MEGF10: variants seen among roughly 807,000 people sequenced by gnomAD.
MEGF10 encodes multiple EGF like domains 10, also known as multiple epidermal growth factor-like domains protein 10.
In MEGF10, 86 loss-of-function variants were observed where a neutral mutation model predicts 147.5. That is an observed-to-expected ratio of 0.58 (90% CI 0.49 to 0.70). The LOEUF is 0.70. Among genes scored for constraint, MEGF10 ranks in the 30% least tolerant of loss-of-function variants. The pLI is 0.00. For missense variants in MEGF10, 1,329 were observed against 1,487.3 expected (o/e 0.89, Z 1.75); for synonymous variants, 478 against 525.5 (o/e 0.91, Z 1.24).
intron 24 of MEGF10, among the ~76,000 whole-genome samples, chr5:127,456,469 A>G (rs910485066): frequency 6.6e-6 from 1 of 152,072 alleles, no homozygotes; most frequent in African/African-American, 2.4e-5. Context: ...CTGAGTATTT[A>G]TGATTTTAAC....
Position 127,352,379 on chromosome 5 carries a change from T to C in MEGF10, c.319+11749T>C, listed in dbSNP as rs555652637. Among the ~76,000 whole-genome samples, 3 of 152,324 alleles carry C rather than the reference T, an allele frequency of 2.0e-5. No homozygotes were observed. In the East Asian group the frequency reaches 5.8e-4, roughly 29 times the overall value. ...TGTTCACTTTAAAAACTTATGTTTA[T>C]TGCTGGGCATGGTGGCTCACTCCTG... On this transcript the variant is annotated intron_variant, in intron 4 of 24. Transcript: ENST00000503335.
At chr5:127,406,803 G>A (rs573603033) in intron 8 of MEGF10, among the ~76,000 whole-genome samples, 1 of 152,320 alleles carries the variant, frequency 6.6e-6, no homozygotes, top group East Asian at 1.9e-4. Flanking sequence ...AAGTAAGAGT[G>A]AAGAGACAAT....
chr5:127,325,937 C>T (rs1425673594), intron 1 of MEGF10, among the ~76,000 whole-genome samples: 6 of 136,146 alleles, frequency 4.4e-5, no homozygotes, highest in Admixed American at 8.1e-5. Flanking sequence ...CAGGGACTTG[C>T]TCTGCCACCC....
the MEGF10 span, among the ~76,000 whole-genome samples, chr5:127,259,176 A>G: frequency 9.2e-5 from 14 of 152,208 alleles, no homozygotes; most frequent in Admixed American, 8.5e-4. Flanking sequence ...CAGGATTGGT[A>G]AACACAGAAT....
chr5:127,244,254 G>T, the MEGF10 span, among the ~76,000 whole-genome samples: 19 of 149,584 alleles, frequency 1.3e-4, no homozygotes, highest in African/African-American at 4.7e-4. Flanking sequence ...TCAAGAACTG[G>T]CAATTTAGAA....
intron 5 of MEGF10, among the ~76,000 whole-genome samples, chr5:127,383,839 T>C (rs975115444): frequency 1.3e-5 from 2 of 152,246 alleles, no homozygotes; most frequent in African/African-American, 4.8e-5. Flanking sequence ...TAGTCTCTCA[T>C]AGTCCCATCG....
At chr5:127,375,931 C>A (rs1467716737) in intron 5 of MEGF10, among the ~76,000 whole-genome samples, 1 of 152,168 alleles carries the variant, frequency 6.6e-6, no homozygotes, top group Admixed American at 6.5e-5. Flanking sequence ...GCATTGAATG[C>A]TGGGGATAAA....
intron 5 of MEGF10, among the ~76,000 whole-genome samples, chr5:127,386,660 T>C (rs1212081854): frequency 6.6e-6 from 1 of 152,228 alleles, no homozygotes; most frequent in Non-Finnish European, 1.5e-5. Flanking sequence ...ATAGAGTTAC[T>C]GGGCAATTTC....
intron 21 of MEGF10, 59 bp from the exon 22 acceptor site, chr5:127,449,040 G>A (rs543477782): frequency 1.4e-5 from 22 of 1,598,934 alleles, no homozygotes; most frequent in East Asian, 4.5e-5. Context: ...GGTCCATAAC[G>A]CTGTGCTGTG....
chr5:127,247,341 GAA>G, the MEGF10 span, among the ~76,000 whole-genome samples: 11 of 2,494 alleles, frequency 4.4e-3, 1 homozygote, highest in African/African-American at 0.012. Flanking sequence ...AGAAGAAGAA[GAA>G]GAAGAAGAAG....
chr5:127,298,899 TAAATC>T (rs1020285450), intron 1 of MEGF10, among the ~76,000 whole-genome samples: 1 of 152,206 alleles, frequency 6.6e-6, no homozygotes, highest in Non-Finnish European at 1.5e-5. Flanking sequence ...CAGACACACT[TAAATC>T]AGAGAGACAA....
chr5:127,367,061 C>A (rs1762683378), intron 4 of MEGF10, among the ~76,000 whole-genome samples: 1 of 152,042 alleles, frequency 6.6e-6, no homozygotes, highest in South Asian at 2.1e-4. Context: ...CCTTTCTTAC[C>A]AGTTGATTCA....
At chr5:127,236,368 G>A in the MEGF10 span, among the ~76,000 whole-genome samples, 1 of 152,222 alleles carries the variant, frequency 6.6e-6, no homozygotes, top group African/African-American at 2.4e-5. Context: ...GTTGAAGCAT[G>A]AAGGCAGCTG....
chr5:127,390,347 T>A (rs1763598218), intron 5 of MEGF10, among the ~76,000 whole-genome samples: 1 of 152,014 alleles, frequency 6.6e-6, no homozygotes, highest in Admixed American at 6.6e-5. Flanking sequence ...TGGAGTTCAG[T>A]AGAGCAATCA....
chr5:127,257,687 T>C, the MEGF10 span, among the ~76,000 whole-genome samples: 1 of 152,202 alleles, frequency 6.6e-6, no homozygotes, highest in Admixed American at 6.5e-5. Context: ...CAGGAAGTCC[T>C]GAGTGCCATA....
intron 4 of MEGF10, among the ~76,000 whole-genome samples, chr5:127,341,047 G>A (rs1222668392): frequency 6.6e-6 from 1 of 152,138 alleles, no homozygotes; most frequent in Non-Finnish European, 1.5e-5. Context: ...ACAGAATGAT[G>A]AGGCTTATTA....
intron 4 of MEGF10, among the ~76,000 whole-genome samples, chr5:127,359,391 C>CA (rs1224859718): frequency 6.6e-6 from 1 of 151,702 alleles, no homozygotes; most frequent in Non-Finnish European, 1.5e-5. Flanking sequence ...GTAAAATTGA[C>CA]ATACAATAAG....
At chr5:127,304,944 T>C (rs528738705) in intron 1 of MEGF10, among the ~76,000 whole-genome samples, 2 of 152,356 alleles carry the variant, frequency 1.3e-5, no homozygotes, top group African/African-American at 2.4e-5. Flanking sequence ...AAATTTCTAC[T>C]GGCTAAGCCA....
intron 1 of MEGF10, among the ~76,000 whole-genome samples, chr5:127,316,636 T>C (rs1043612834): frequency 1.3e-5 from 2 of 152,176 alleles, no homozygotes; most frequent in African/African-American, 4.8e-5. Flanking sequence ...AGAATAATGA[T>C]TTCAGGGTTC....
Sources: gnomAD v4.1 joint callset for allele counts (sites outside exome capture counted in the v4.1 genomes callset) on GRCh38, gnomAD v4.1.1 for gene constraint, MANE v1.5 for transcripts, NCBI Gene and HGNC (gene_info 2026-07-23, HGNC 2026-07-21) for gene names.